SRGAP3: variants seen among roughly 807,000 people sequenced by gnomAD.
The protein encoded by SRGAP3 is SLIT-ROBO Rho GTPase-activating protein 3.
In SRGAP3, 39 loss-of-function variants were observed where a neutral mutation model predicts 121.1. The ratio of observed to expected loss-of-function variants is 0.32; its 90% CI spans 0.25 to 0.42. SRGAP3 has a LOEUF of 0.42. Ranked by LOEUF, SRGAP3 falls within the 10% of genes least tolerant of loss-of-function variation. SRGAP3 has a pLI of 1.00. For synonymous variants in SRGAP3, 601 were observed against 570.0 expected, an observed-to-expected ratio of 1.05 and a Z score of -0.77; for missense variants, 1,213 against 1,470.6, an observed-to-expected ratio of 0.82 and a Z score of 2.86.
Position 9,027,021 on chromosome 3 carries a change from T to C in SRGAP3, c.1540-26A>G. ...CTTGAGAAAAGAAAAATTGTGAGTTTTATGGGGCTTGACAACCACCACAGG... is the reference window on the plus strand; with the variant it reads ...CTTGAGAAAAGAAAAATTGTGAGTTCTATGGGGCTTGACAACCACCACAGG... On this transcript the variant is annotated intron_variant, in intron 12 of 21. Coordinates refer to ENST00000383836, the MANE Select transcript of SRGAP3 (RefSeq NM_014850.4). 2.5e-6 allele frequency: 4 copies of C among 1,611,906 alleles called. No individual in the cohort carries two copies. In the South Asian group the frequency reaches 3.3e-5, roughly 13 times the overall value.
intron 2 of SRGAP3, among the ~76,000 whole-genome samples, chr3:9,105,986 G>T (rs188312258): frequency 2.0e-5 from 3 of 152,276 alleles, no homozygotes; most frequent in Admixed American, 2.0e-4. Context: ...GTAATTAGTT[G>T]AATGCTATCC....
At chr3:9,051,434 C>G (rs1213552395) in intron 9 of SRGAP3, among the ~76,000 whole-genome samples, 1 of 152,130 alleles carries the variant, frequency 6.6e-6, no homozygotes, top group Non-Finnish European at 1.5e-5. Flanking sequence ...TTTGAGGAGA[C>G]AGCACGTATG....
At chr3:9,052,194 T>C (rs1464828659) in intron 9 of SRGAP3, among the ~76,000 whole-genome samples, 1 of 152,174 alleles carries the variant, frequency 6.6e-6, no homozygotes, top group Non-Finnish European at 1.5e-5. Context: ...AAATCCCAGC[T>C]CCCTGCAACC....
intron 4 of SRGAP3, among the ~76,000 whole-genome samples, chr3:9,078,812 C>A (rs1192025672): frequency 1.3e-5 from 2 of 152,140 alleles, no homozygotes; most frequent in Non-Finnish European, 2.9e-5. Flanking sequence ...TAAAAACTAC[C>A]CACAACTCAA....
intron 1 of SRGAP3, among the ~76,000 whole-genome samples, chr3:9,221,177 C>T (rs1952799498): frequency 6.6e-6 from 1 of 152,146 alleles, no homozygotes; most frequent in Non-Finnish European, 1.5e-5. Context: ...ATTAAGAGAC[C>T]ACTGGGGACT....
At chr3:9,155,910 G>A (rs1046082700) in intron 1 of SRGAP3, among the ~76,000 whole-genome samples, 2 of 152,144 alleles carry the variant, frequency 1.3e-5, no homozygotes, top group African/African-American at 4.8e-5. Context: ...CCACCTCCCG[G>A]GTTCACGCCA....
At chr3:9,348,350 G>C (rs1412950858) in intron 1 of SRGAP3, 2 of 445,122 alleles carry the variant, frequency 4.5e-6, no homozygotes, top group African/African-American at 4.0e-5. Flanking sequence ...AAAGAAAAGG[G>C]AGAAAGACTA....
At chr3:9,020,798 T>C (rs1185708328) in intron 14 of SRGAP3, among the ~76,000 whole-genome samples, 1 of 152,188 alleles carries the variant, frequency 6.6e-6, no homozygotes, top group East Asian at 1.9e-4. Flanking sequence ...GACGGCTTTC[T>C]CCAGGAGGAG....
At chr3:9,313,893 T>C (rs1240653250) in intron 3 of SRGAP3, among the ~76,000 whole-genome samples, 2 of 151,514 alleles carry the variant, frequency 1.3e-5, no homozygotes, top group African/African-American at 2.4e-5. Context: ...ACTTGGAAGG[T>C]TGAGGTGGGA....
chr3:9,076,601 C>T (rs556800803), intron 4 of SRGAP3, among the ~76,000 whole-genome samples: 9 of 152,170 alleles, frequency 5.9e-5, no homozygotes, highest in Non-Finnish European at 8.8e-5. Context: ...CTCTCATTCC[C>T]TCTGCTTCTT....
intron 14 of SRGAP3, among the ~76,000 whole-genome samples, chr3:9,021,719 G>A (rs1943931522): frequency 6.6e-6 from 1 of 152,204 alleles, no homozygotes; most frequent in African/African-American, 2.4e-5. Flanking sequence ...AGCCAAGGAA[G>A]AACAAGACCC....
At position 8,985,786 on chromosome 3, in the gene SRGAP3, A is replaced by C; in HGVS notation, c.3033T>G (p.Ser1011Arg). ...PPGPVSSEPA[S>R]PLHTIVIRDP... ...CGCGGATGACGATGGTGTGAAGGGGACTGGCGGGCTCCGAGCTGACGGGGC... is the reference window on the plus strand; with the variant it reads ...CGCGGATGACGATGGTGTGAAGGGGCCTGGCGGGCTCCGAGCTGACGGGGC... The change falls in exon 22 of 22, where the codon AGT becomes AGG. Residue 1011 changes from serine to arginine, a missense_variant. This residue lies in a region of SRGAP3 where 420 missense variants were observed against 437.7 expected (regional missense o/e 0.96). Transcript: ENST00000383836. This position sits in a 1 kb window ranked among gnomAD's most constrained non-coding sequence, Gnocchi z 5.1. 4.4e-6 allele frequency: 7 copies of C among 1,599,814 alleles called. No individual in the cohort carries two copies. Among genetic ancestry groups the C allele is most frequent in the Non-Finnish European group, 5.9e-6 (7 of 1,179,718 alleles).
chr3:9,279,000 G>A (rs1022261866), intron 3 of SRGAP3, among the ~76,000 whole-genome samples: 6 of 152,090 alleles, frequency 3.9e-5, no homozygotes, highest in African/African-American at 7.2e-5. Flanking sequence ...CTGGCCGGGC[G>A]TGGTGGTGCA....
At position 9,055,126 on chromosome 3, in the gene SRGAP3, T is replaced by A. The variant is rs184246585; in HGVS notation, c.1125+1107A>T. Among the ~76,000 whole-genome samples the A allele has an allele frequency of 4.3e-4, 66 of 152,362 alleles. No individual in the cohort carries two copies. The Middle Eastern group carries it at 0.014, about 31-fold the overall frequency. ...GTTCATCTCCTGTCTCTTTCCAGGT[T>A]TGAAAAACAAATATATAATTTGTCT... On this transcript the variant is annotated intron_variant, in intron 8 of 21. Coordinates refer to ENST00000383836, the MANE Select transcript of SRGAP3 (RefSeq NM_014850.4).
At chr3:9,253,716 G>C (rs1954065845), upstream of SRGAP3, among the ~76,000 whole-genome samples, 1 of 152,132 alleles carries the variant, frequency 6.6e-6, no homozygotes, top group South Asian at 2.1e-4. Flanking sequence ...GCTAGTTGAT[G>C]GCAGATTTTA....
intron 1 of SRGAP3, among the ~76,000 whole-genome samples, chr3:9,241,709 T>C (rs1033021449): frequency 2.0e-5 from 3 of 152,152 alleles, no homozygotes; most frequent in African/African-American, 7.2e-5. Flanking sequence ...AGGTGGAGCC[T>C]TGGGGAGGTG....
At chr3:9,177,729 T>C (rs1216701644) in intron 1 of SRGAP3, among the ~76,000 whole-genome samples, 1 of 152,196 alleles carries the variant, frequency 6.6e-6, no homozygotes, top group Non-Finnish European at 1.5e-5. Flanking sequence ...CTTGAGTGTT[T>C]CTTTAGGGGA....
chr3:8,985,720 G>C lies in SRGAP3; in HGVS notation c.3099C>G (p.Thr1033=). Residue 1033 remains threonine (T), a synonymous_variant, in exon 22 of 22, where the codon ACC becomes ACG. Coordinates refer to ENST00000383836, the MANE Select transcript of SRGAP3 (RefSeq NM_014850.4). This position sits in a 1 kb window ranked among gnomAD's most constrained non-coding sequence, Gnocchi z 5.1. ...AAMRRSSSSS[T]EMMTTFKPAL... ...CTGGCTTGAAGGTGGTCATCATCTCGGTGGAGGAGCTGCTGCTGCGGCGCA... is the reference window on the plus strand; with the variant it reads ...CTGGCTTGAAGGTGGTCATCATCTCCGTGGAGGAGCTGCTGCTGCGGCGCA... 6.3e-7 allele frequency: 1 copy of C among 1,598,454 alleles called. No individual in the cohort carries two copies. Among genetic ancestry groups the C allele is most frequent in the Non-Finnish European group, 8.5e-7 (1 of 1,179,656 alleles).
intron 5 of SRGAP3, 136 bp from the exon 6 acceptor site, chr3:9,060,495 T>C (rs969740917): frequency 9.1e-6 from 11 of 1,207,630 alleles, no homozygotes; most frequent in African/African-American, 1.6e-5. Flanking sequence ...GGTGTGATCA[T>C]AGCTCACTTC....
Sources: allele counts gnomAD v4.1 joint callset (sites outside exome capture counted in the v4.1 genomes callset), GRCh38; gene constraint gnomAD v4.1.1; regional missense constraint gnomAD v4.1.1; non-coding constraint Gnocchi (gnomAD v3.1); transcripts MANE v1.5; gene names NCBI Gene and HGNC (gene_info 2026-07-23, HGNC 2026-07-21).